BMPR2: variants seen among roughly 807,000 people sequenced by gnomAD.
BMPR2 encodes bone morphogenetic protein receptor type-2.
A neutral mutation model predicts 100.8 loss-of-function variants in BMPR2; 29 were observed. That is an observed-to-expected ratio of 0.29 (90% CI 0.21 to 0.39). BMPR2 has a LOEUF of 0.39. Among genes scored for constraint, BMPR2 ranks in the 10% least tolerant of loss-of-function variants. The pLI is 1.00. For missense variants in BMPR2, 1,011 were observed against 1,274.5 expected, an observed-to-expected ratio of 0.79 and a Z score of 3.15; for synonymous variants, 382 against 442.3, an observed-to-expected ratio of 0.86 and a Z score of 1.71.
intron 1 of BMPR2, among the ~76,000 whole-genome samples, chr2:202,430,168 G>C (rs1691475725): frequency 6.6e-6 from 1 of 152,058 alleles, no homozygotes; most frequent in East Asian, 1.9e-4. Flanking sequence ...ATTTGGATTA[G>C]GACCCCATCC....
rs145137496 is a variant in BMPR2 at position 202,521,120 on chromosome 2, G to C, written c.967+919G>C. On this transcript the variant is annotated intron_variant, in intron 7 of 12. Coordinates refer to ENST00000374580, the MANE Select transcript of BMPR2 (RefSeq NM_001204.7). ...TAGGCAGCCTGGGACTTACAAAGCT[G>C]GAGATAAGGAATGAATCTTAGTCAC... is the stretch of plus-strand genomic sequence containing the variant. 3.6e-3 allele frequency: 552 copies of C among 152,644 alleles called. 3 individuals are homozygous for C. The highest frequency in any genetic ancestry group is 0.011 in the African/African-American group (457 of 41,538). The allele number at this position is 152,644 out of a possible 1,614,324, so 9.5% of individuals were successfully genotyped here. A position where few individuals can be genotyped will look rare whatever the true frequency, so the allele number is the denominator to read the frequency against.
At chr2:202,547,781 C>CAA (rs373601864) in intron 10 of BMPR2, among the ~76,000 whole-genome samples, 16 of 56,868 alleles carry the variant, frequency 2.8e-4, no homozygotes, top group Admixed American at 4.2e-4. Flanking sequence ...AGATCCATCA[C>CAA]AAAAAAAAAA....
chr2:202,505,769 T>C lies in BMPR2; in HGVS notation c.419-7950T>C, dbSNP rs186251242. ...GTGGCTAAAGTGGGACTAAAACTTATGAGCTCTTTTCACTAAACTACTTTA... is the reference window on the plus strand; with the variant it reads ...GTGGCTAAAGTGGGACTAAAACTTACGAGCTCTTTTCACTAAACTACTTTA... On this transcript the variant is annotated intron_variant, in intron 3 of 12. Coordinates refer to ENST00000374580, the MANE Select transcript of BMPR2 (RefSeq NM_001204.7). 1.2e-4 allele frequency among the ~76,000 whole-genome samples: 18 copies of C among 152,336 alleles called. No homozygotes were observed. In the East Asian group the frequency reaches 3.5e-3, roughly 29 times the overall value.
chr2:202,458,598 G>A (rs1692168053), intron 1 of BMPR2, among the ~76,000 whole-genome samples: 1 of 151,962 alleles, frequency 6.6e-6, no homozygotes, highest in Admixed American at 6.6e-5. Context: ...CTATAGCTCT[G>A]AGTTTAACAG....
chr2:202,534,197 C>CAT (rs1007532397), intron 9 of BMPR2, among the ~76,000 whole-genome samples: 12 of 145,032 alleles, frequency 8.3e-5, no homozygotes, highest in South Asian at 2.1e-4. Context: ...CACACACACA[C>CAT]ATATATATGT....
At chr2:202,394,669 A>T (rs1484998150) in intron 1 of BMPR2, among the ~76,000 whole-genome samples, 1 of 152,126 alleles carries the variant, frequency 6.6e-6, no homozygotes, top group Non-Finnish European at 1.5e-5. Context: ...TGAATTATTC[A>T]TCGAGTACCT....
chr2:202,555,171 A>T, intron 11 of BMPR2, 81 bp from the exon 12 acceptor site: 1 of 1,290,366 alleles, frequency 7.7e-7, no homozygotes, highest in Non-Finnish European at 1.1e-6. Context: ...CTCAGACTTT[A>T]AAATCAGAGG....
At chr2:202,449,193 G>A (rs1019458847) in intron 1 of BMPR2, among the ~76,000 whole-genome samples, 1 of 151,652 alleles carries the variant, frequency 6.6e-6, no homozygotes, top group Non-Finnish European at 1.5e-5. Flanking sequence ...CTGTAATCTC[G>A]GTTACTCAGG....
intron 1 of BMPR2, among the ~76,000 whole-genome samples, chr2:202,438,157 T>C (rs1691654245): frequency 6.7e-6 from 1 of 149,632 alleles, no homozygotes; most frequent in South Asian, 2.1e-4. Flanking sequence ...CTACTAAAAA[T>C]ACAAAATTAG....
intron 1 of BMPR2, among the ~76,000 whole-genome samples, chr2:202,385,053 AATG>A (rs1200997517): frequency 1.3e-5 from 2 of 152,236 alleles, no homozygotes; most frequent in African/African-American, 4.8e-5. Context: ...AAAATGTGTT[AATG>A]ATAAGTGTGA....
intron 1 of BMPR2, among the ~76,000 whole-genome samples, chr2:202,404,353 G>A (rs1019539269): frequency 4.6e-5 from 7 of 151,756 alleles, no homozygotes; most frequent in South Asian, 2.1e-4. Flanking sequence ...CACTGCACCC[G>A]GCTAATTTTT....
chr2:202,546,112 G>A (rs2106034937), intron 10 of BMPR2, among the ~76,000 whole-genome samples: 1 of 152,292 alleles, frequency 6.6e-6, no homozygotes, highest in South Asian at 2.1e-4. Flanking sequence ...AGGTTGCCAA[G>A]TAAGGAATTC....
chr2:202,500,325 T>G (rs1245005178), intron 3 of BMPR2, among the ~76,000 whole-genome samples: 1 of 152,214 alleles, frequency 6.6e-6, no homozygotes, highest in African/African-American at 2.4e-5. Context: ...GAGACTTTGC[T>G]CTTTTCACAT....
chr2:202,518,341 T>C (rs1687755522), intron 5 of BMPR2, among the ~76,000 whole-genome samples: 1 of 151,668 alleles, frequency 6.6e-6, no homozygotes, highest in Admixed American at 6.6e-5. Flanking sequence ...TTTCACCACT[T>C]TGGCCAGGCT....
At chr2:202,473,999 G>C (rs1326648658) in intron 3 of BMPR2, among the ~76,000 whole-genome samples, 1 of 150,608 alleles carries the variant, frequency 6.6e-6, no homozygotes, top group Non-Finnish European at 1.5e-5. Context: ...CAGCTGTTCG[G>C]GAGGCTGAGG....
At chr2:202,413,371 G>C (rs1003965403) in intron 1 of BMPR2, among the ~76,000 whole-genome samples, 4 of 152,166 alleles carry the variant, frequency 2.6e-5, no homozygotes, top group Admixed American at 1.3e-4. Context: ...GAATTATAGT[G>C]CTGGTAGCCA....
rs1267446120 is a variant in BMPR2 at position 202,552,815 on chromosome 2, A to G, written c.1513A>G (p.Met505Val). The change falls in exon 11 of 13, where the codon ATG becomes GTG. Residue 505 changes from methionine to valine, a missense_variant. This residue lies in a region of BMPR2 where 83 missense variants were observed against 140.7 expected (regional missense o/e 0.59). Transcript: ENST00000374580. The stretch of plus-strand genomic sequence containing the variant: ...TGCTGAGGAAAGGATGGCTGAACTT[A>G]TGATGATTTGGGAAAGAAACAAATC... ...QCAEERMAEL[M>V]MIWERNKSVS... is the part of the protein sequence containing the mutation. 6.2e-7 allele frequency: 1 copy of G among 1,614,212 alleles called. No homozygotes were observed. The highest frequency in any genetic ancestry group is 8.5e-7 in the Non-Finnish European group (1 of 1,180,030).
rs933596619 is a variant in BMPR2 at position 202,562,581 on chromosome 2, A to G, written c.*2635A>G. 1 of 152,590 alleles carries G rather than the reference A, an allele frequency of 6.6e-6. No homozygotes were observed. The allele number at this position is 152,590 out of a possible 1,614,324, so 9.5% of individuals were successfully genotyped here. On this transcript the variant is annotated 3_prime_UTR_variant, in exon 13 of 13. Transcript: ENST00000374580. ...TTCTTAAAGTTGACATTTAACTGCT[A>G]TCACAAAGTTTTATATGTAGAAAAG...
rs1209083977 is a variant in BMPR2 at position 202,377,304 on chromosome 2, A to G, written c.-171A>G. 1.4e-6 allele frequency: 1 copy of G among 701,098 alleles called. No individual in the cohort carries two copies. Among genetic ancestry groups the G allele is most frequent in the East Asian group, 2.7e-5 (1 of 37,056 alleles). The allele number at this position is 701,098 out of a possible 1,614,324, so 43.4% of individuals were successfully genotyped here. A position where few individuals can be genotyped will look rare whatever the true frequency, so the allele number is the denominator to read the frequency against. On this transcript the variant is annotated 5_prime_UTR_variant, in exon 1 of 13. The change abolishes an upstream ATG in the 5' untranslated region. Transcript: ENST00000374580. Reference sequence around the variant, plus strand: ...AAATGAAGGGAATTTCTGCAGCGGCATGAAAGCTCTGCAGCTAGGTCCTCT... The same window carrying G: ...AAATGAAGGGAATTTCTGCAGCGGCGTGAAAGCTCTGCAGCTAGGTCCTCT...
Sources: gnomAD v4.1 joint callset for allele counts (sites outside exome capture counted in the v4.1 genomes callset) on GRCh38, gnomAD v4.1.1 for gene constraint, gnomAD v4.1.1 regional missense constraint, MANE v1.5 for transcripts, NCBI Gene and HGNC (gene_info 2026-07-23, HGNC 2026-07-21) for gene names.